THRB: variants seen among roughly 807,000 people sequenced by gnomAD.
THRB encodes thyroid hormone receptor beta, also known as nuclear receptor subfamily 1 group A member 2.
In THRB, 12 loss-of-function variants were observed where a neutral mutation model predicts 47.8. The observed-to-expected ratio is 0.25, with a 90% CI of 0.16 to 0.41. The LOEUF (loss-of-function observed/expected upper bound fraction) is 0.41. Ranked by LOEUF, THRB falls within the 10% of genes least tolerant of loss-of-function variation. The pLI, the probability that THRB is intolerant of heterozygous loss-of-function variation, is 1.00. For missense variants in THRB, 348 were observed against 589.2 expected, an observed-to-expected ratio of 0.59 and a Z score of 4.24; for synonymous variants, 218 against 212.2, an observed-to-expected ratio of 1.03 and a Z score of -0.24.
chr3:24,262,348 G>C (rs1576385997), intron 3 of THRB, among the ~76,000 whole-genome samples: 1 of 152,288 alleles, frequency 6.6e-6, no homozygotes, highest in African/African-American at 2.4e-5. Flanking sequence ...AGCAGCCAGA[G>C]GTAGTCTTTT....
intron 1 of THRB, among the ~76,000 whole-genome samples, chr3:24,404,053 T>C (rs1369831948): frequency 1.3e-5 from 2 of 151,960 alleles, no homozygotes; most frequent in Admixed American, 6.6e-5. Context: ...AATTCATATA[T>C]ACCATCGTGG....
At chr3:24,445,210 T>C (rs2071950644) in intron 1 of THRB, among the ~76,000 whole-genome samples, 1 of 152,042 alleles carries the variant, frequency 6.6e-6, no homozygotes, top group South Asian at 2.1e-4. Context: ...ATTTAAAATG[T>C]ATGTTGCTAT....
intron 3 of THRB, among the ~76,000 whole-genome samples, chr3:24,273,629 G>T (rs1325449334): frequency 6.6e-6 from 1 of 152,196 alleles, no homozygotes; most frequent in Non-Finnish European, 1.5e-5. Context: ...AAGCTGACCT[G>T]ATTTCATATG....
At chr3:24,165,209 A>G in intron 5 of THRB, 1 of 765,034 alleles carries the variant, frequency 1.3e-6, no homozygotes, top group South Asian at 1.3e-5. Context: ...TTCCATATAT[A>G]TGTTGTTACT....
intron 3 of THRB, among the ~76,000 whole-genome samples, chr3:24,272,130 C>T (rs546946146): frequency 5.1e-4 from 78 of 152,166 alleles, no homozygotes; most frequent in African/African-American, 1.8e-3. Flanking sequence ...TCGCTTGAGC[C>T]CGGGAGTTCA....
chr3:24,338,691 G>A lies in THRB; in HGVS notation c.-260-1320C>T, dbSNP rs190680685. Reference sequence around the variant, plus strand: ...CTCTTGACTCTGGGCTTCTGAAGAAGCTGCCCTGTCTTGTTTCTGCAGTGG... The same window carrying A: ...CTCTTGACTCTGGGCTTCTGAAGAAACTGCCCTGTCTTGTTTCTGCAGTGG... On this transcript the variant is annotated intron_variant, in intron 1 of 10. Transcript: ENST00000646209. Among the ~76,000 whole-genome samples, 439 of 152,344 alleles carry A rather than the reference G, an allele frequency of 2.9e-3. 3 individuals carry two copies. Among genetic ancestry groups the A allele is most frequent in the African/African-American group, 9.5e-3 (393 of 41,584 alleles).
intron 1 of THRB, among the ~76,000 whole-genome samples, chr3:24,415,679 T>C (rs186208424): frequency 4.9e-4 from 75 of 152,000 alleles, no homozygotes; most frequent in Admixed American, 1.8e-3. Flanking sequence ...AGGACTGCCA[T>C]TCTCAAAGAA....
chr3:24,233,426 C>G (rs66928949), intron 3 of THRB, among the ~76,000 whole-genome samples: 57,434 of 148,898 alleles, frequency 0.39, 11,790 homozygotes, highest in Middle Eastern at 0.49. Flanking sequence ...AGTTTGAGAC[C>G]AGCCTGGTCA....
At chr3:24,248,534 C>T (rs2150337576) in intron 3 of THRB, among the ~76,000 whole-genome samples, 1 of 152,242 alleles carries the variant, frequency 6.6e-6, no homozygotes, top group Non-Finnish European at 1.5e-5. Flanking sequence ...CCCTTCTTTG[C>T]TCTATTCTGT....
intron 9 of THRB, among the ~76,000 whole-genome samples, chr3:24,131,143 T>C (rs1207712114): frequency 6.6e-6 from 1 of 152,232 alleles, no homozygotes. Context: ...TCATACACAG[T>C]ACATTGTGGT....
At chr3:24,352,942 A>G (rs62255386) in intron 1 of THRB, among the ~76,000 whole-genome samples, 24,187 of 152,070 alleles carry the variant, frequency 0.16, 2,410 homozygotes, top group Middle Eastern at 0.23. Flanking sequence ...TAAAAATGTA[A>G]TACTATATTT....
chr3:24,248,281 T>A (rs1479051687), intron 3 of THRB, among the ~76,000 whole-genome samples: 1 of 152,054 alleles, frequency 6.6e-6, no homozygotes, highest in African/African-American at 2.4e-5. Context: ...CAACCCCATA[T>A]TGATGCTGCT....
In THRB at chr3:24,150,103, G is replaced by A. The variant is rs991306265; in HGVS notation, c.384+2287C>T. ...CTTTCTCTAAAAATAGTTTGCTGTGGGACAGTATCAATATCCTTTCTACAA... is the reference window on the plus strand; with the variant it reads ...CTTTCTCTAAAAATAGTTTGCTGTGAGACAGTATCAATATCCTTTCTACAA... On this transcript the variant is annotated intron_variant, in intron 6 of 10. Transcript: ENST00000646209. 2.6e-5 allele frequency among the ~76,000 whole-genome samples: 4 copies of A among 152,062 alleles called. No individual in the cohort carries two copies. The South Asian group carries it at 6.2e-4, about 24-fold the overall frequency.
rs2065440137 is a variant in THRB, at chr3:24,378,264, TAAGAA to T, written c.-260-40898_-260-40894del. On this transcript the variant is annotated intron_variant, in intron 1 of 10. Coordinates refer to ENST00000646209, the MANE Select transcript of THRB (RefSeq NM_001354712.2). ...TTAAGATTGATATGACAAATAAAAA[TAAGAA>T]AAGATTGTTTGTGCAGGTATTTGGA... is the stretch of plus-strand genomic sequence containing the variant. 2.0e-5 allele frequency among the ~76,000 whole-genome samples: 3 copies of T among 152,158 alleles called. No individual in the cohort carries two copies. In the South Asian group the frequency reaches 6.2e-4, roughly 32 times the overall value.
At chr3:24,417,517 GAC>G (rs2068863640) in intron 1 of THRB, among the ~76,000 whole-genome samples, 1 of 151,884 alleles carries the variant, frequency 6.6e-6, no homozygotes, top group Non-Finnish European at 1.5e-5. Context: ...GATGTATGAT[GAC>G]CTTGGAATGT....
intron 3 of THRB, among the ~76,000 whole-genome samples, chr3:24,234,929 A>AGTT (rs970205243): frequency 3.3e-5 from 5 of 152,172 alleles, no homozygotes; most frequent in Non-Finnish European, 7.3e-5. Flanking sequence ...GTCTTGAAAG[A>AGTT]GTTGCTGTGG....
chr3:24,360,574 A>T (rs1369467576), intron 1 of THRB, among the ~76,000 whole-genome samples: 1 of 152,172 alleles, frequency 6.6e-6, no homozygotes, highest in East Asian at 1.9e-4. Flanking sequence ...CAACTTTTTA[A>T]AAATGCTAAT....
At chr3:24,327,570 T>C (rs1252854720) in intron 2 of THRB, among the ~76,000 whole-genome samples, 2 of 152,220 alleles carry the variant, frequency 1.3e-5, no homozygotes, top group African/African-American at 4.8e-5. Context: ...TCTAGGTACT[T>C]GGGATATATC....
intron 3 of THRB, among the ~76,000 whole-genome samples, chr3:24,293,280 A>G (rs2056129321): frequency 1.3e-5 from 2 of 152,214 alleles, no homozygotes; most frequent in Non-Finnish European, 2.9e-5. Flanking sequence ...CCATCCCAGT[A>G]TCATTCAATC....
Sources: allele counts gnomAD v4.1 joint callset (sites outside exome capture counted in the v4.1 genomes callset), GRCh38; gene constraint gnomAD v4.1.1; transcripts MANE v1.5; gene names NCBI Gene and HGNC (gene_info 2026-07-23, HGNC 2026-07-21).